Variants in ITGAX observed in about 807,000 individuals in gnomAD.
ITGAX encodes the protein integrin alpha-X.
In ITGAX, 99 loss-of-function variants were observed where a neutral mutation model predicts 140.2. The observed-to-expected ratio is 0.71, with a 90% CI of 0.60 to 0.83. The LOEUF (loss-of-function observed/expected upper bound fraction) is 0.83, where lower values mean the gene tolerates loss of function less well. ITGAX is among the 40% of genes least tolerant of loss of function. The pLI, the probability that ITGAX is intolerant of heterozygous loss-of-function variation, is 0.00. For synonymous variants in ITGAX, 631 were observed against 600.4 expected, an observed-to-expected ratio of 1.05 and a Z score of -0.75; for missense variants, 1,444 against 1,482.0, an observed-to-expected ratio of 0.97 and a Z score of 0.42.
chr16:31,357,327 C>T lies in ITGAX; in HGVS notation c.393C>T (p.Pro131=). Residue 131 remains proline (P), a synonymous_variant, in exon 5 of 30, where the codon CCC becomes CCT. Transcript: ENST00000268296. ...CCGGACTCTGCTTCCTCCTGGGCCC[C>T]ACCCAGCTCACCCAGAGGCTCCCGG... ...YLTGLCFLLG[P]TQLTQRLPVS... is the part of the protein sequence containing the mutation. 1 of 1,606,608 alleles carries T rather than the reference C, an allele frequency of 6.2e-7. No individual in the cohort carries two copies.
intron 19 of ITGAX, among the ~76,000 whole-genome samples, chr16:31,372,915 AAACAAC>A (rs58659724): frequency 8.7e-5 from 13 of 149,534 alleles, no homozygotes; most frequent in South Asian, 2.1e-4. Context: ...CACAAAAACA[AAACAAC>A]AACAACAACA....
chr16:31,372,892 G>C (rs1030260277), intron 19 of ITGAX, among the ~76,000 whole-genome samples: 7 of 148,092 alleles, frequency 4.7e-5, no homozygotes, highest in African/African-American at 1.8e-4. Context: ...GCAACAGAGC[G>C]AGATCCCATT....
intron 20 of ITGAX, among the ~76,000 whole-genome samples, chr16:31,375,268 G>A (rs568124897): frequency 6.6e-6 from 1 of 152,162 alleles, no homozygotes; most frequent in Non-Finnish European, 1.5e-5. Flanking sequence ...CACCCGATTC[G>A]GCCTCCCAAA....
At position 31,379,855 on chromosome 16, in the gene ITGAX, C is replaced by T. The variant is rs2081052074; in HGVS notation, c.2967C>T (p.Ser989=). 6.2e-7 allele frequency: 1 copy of T among 1,613,990 alleles called. No individual in the cohort carries two copies. The highest frequency in any genetic ancestry group is 1.3e-5 in the African/African-American group (1 of 75,020). ...CTGTGTGGATGGATGTGGAGGTCTC[C>T]CACCCCCAGGTACCCAAGGACTGCA... is the stretch of plus-strand genomic sequence containing the variant. ...QEAVWMDVEV[S]HPQNPSLRCS... is the part of the protein sequence containing the mutation. Residue 989 remains serine, a synonymous_variant, in exon 25 of 30, where the codon TCC becomes TCT. Coordinates refer to ENST00000268296, the MANE Select transcript of ITGAX (RefSeq NM_000887.5).
At chr16:31,380,778 C>A in intron 28 of ITGAX, 119 bp from the exon 29 acceptor site, 1 of 1,262,192 alleles carries the variant, frequency 7.9e-7, no homozygotes, top group South Asian at 1.2e-5. Flanking sequence ...GCTGCTGTGT[C>A]TCACCTCTTG....
In ITGAX at chr16:31,362,744, G is replaced by C; in HGVS notation, c.1350G>C (p.Thr450=). ...AATGGAGGATGAAGGCCGAAGTCACGGGGACTCAGGTTGGGCGTGACAGGA... is the reference window on the plus strand; with the variant it reads ...AATGGAGGATGAAGGCCGAAGTCACCGGGACTCAGGTTGGGCGTGACAGGA... ...SRQWRMKAEV[T]GTQIGSYFGA... The change falls in exon 12 of 30, where the codon ACG becomes ACC. Residue 450 remains threonine (T), a synonymous_variant. Transcript: ENST00000268296. The C allele has an allele frequency of 1.2e-6, 2 of 1,613,852 alleles. No individual in the cohort carries two copies. Among genetic ancestry groups the C allele is most frequent in the Non-Finnish European group, 1.7e-6 (2 of 1,179,844 alleles).
At chr16:31,374,287 T>TAA (rs111307476) in intron 20 of ITGAX, among the ~76,000 whole-genome samples, 26 of 148,686 alleles carry the variant, frequency 1.7e-4, no homozygotes, top group East Asian at 1.4e-3. Flanking sequence ...AGACTCTGTC[T>TAA]AAAAAAAAAA....
intron 14 of ITGAX, among the ~76,000 whole-genome samples, chr16:31,364,819 C>T (rs2080875193): frequency 6.7e-6 from 1 of 149,784 alleles, no homozygotes. Context: ...ACTAGCCTGG[C>T]CAACACAGTG....
At chr16:31,366,118 C>T (rs188769225) in intron 14 of ITGAX, among the ~76,000 whole-genome samples, 1 of 152,352 alleles carries the variant, frequency 6.6e-6, no homozygotes, top group East Asian at 1.9e-4. Flanking sequence ...ATTTTTTACA[C>T]GCTGAAGGTA....
At chr16:31,372,698 T>G (rs1228704970) in intron 19 of ITGAX, 28 bp downstream of exon 19, 3 of 1,600,052 alleles carry the variant, frequency 1.9e-6, no homozygotes, top group South Asian at 1.1e-5. Flanking sequence ...AGACCTGCCC[T>G]ACTGCCCCAG....
chr16:31,360,319 G>A lies in ITGAX; in HGVS notation c.717G>A (p.Leu239=), dbSNP rs147776564. The A allele has an allele frequency of 3.7e-6, 6 of 1,611,954 alleles. No homozygotes were observed. In the Admixed American group the frequency reaches 5.0e-5, roughly 14 times the overall value. Residue 239 remains leucine, a synonymous_variant, in exon 8 of 30, where the codon TTG becomes TTA. Coordinates refer to ENST00000268296, the MANE Select transcript of ITGAX (RefSeq NM_000887.5). ...ATAIQNVVHR[L]FHASYGARRD... is the part of the protein sequence containing the mutation. ...TCTCCTTTCCTGATAGGCACCGATT[G>A]TTCCATGCCTCATATGGGGCCCGTA... is the stretch of plus-strand genomic sequence containing the variant.
Position 31,380,641 on chromosome 16 carries a change from G to C in ITGAX, c.3276+17G>C, listed in dbSNP as rs762946837. The C allele has an allele frequency of 1.9e-5, 30 of 1,613,890 alleles. No homozygotes were observed. The highest frequency in any genetic ancestry group is 5.3e-5 in the African/African-American group (4 of 74,930). On this transcript the variant is annotated intron_variant, in intron 28 of 29. Coordinates refer to ENST00000268296, the MANE Select transcript of ITGAX (RefSeq NM_000887.5). ...AGAGCTCAGGTAGAGACCATGTGGAGGGCAGCGACCAGGCTGGAAAGAGGG... is the reference window on the plus strand; with the variant it reads ...AGAGCTCAGGTAGAGACCATGTGGACGGCAGCGACCAGGCTGGAAAGAGGG...
intron 5 of ITGAX, among the ~76,000 whole-genome samples, chr16:31,359,364 CCA>C (rs1567295425): frequency 3.5e-4 from 54 of 152,218 alleles, no homozygotes; most frequent in Admixed American, 9.8e-4. Flanking sequence ...CGGGGTTTCA[CCA>C]TGTGGGCCAG....
chr16:31,372,573 A>C (rs1258969192), intron 18 of ITGAX, 24 bp from the exon 19 acceptor site: 24 of 1,612,810 alleles, frequency 1.5e-5, no homozygotes, highest in Non-Finnish European at 1.9e-5. Flanking sequence ...CTCGGAGAAA[A>C]CCCCCCGTTG....
intron 23 of ITGAX, 93 bp from the exon 24 acceptor site, chr16:31,379,475 C>T (rs2081048125): frequency 2.4e-6 from 3 of 1,247,942 alleles, no homozygotes; most frequent in Non-Finnish European, 3.4e-6. Context: ...ATTCCAAGGC[C>T]CCACCGACCA....
chr16:31,372,331 T>C (rs768390372), intron 17 of ITGAX, 47 bp from the exon 18 acceptor site: 3 of 1,573,318 alleles, frequency 1.9e-6, no homozygotes, highest in Admixed American at 2.1e-5. Flanking sequence ...CGAGCGCAGC[T>C]CTTACCCTCC....
chr16:31,356,757 G>T lies in ITGAX; in HGVS notation c.247+29G>T, dbSNP rs765384344. ...AGTCACCGCCCCTCCCGGGACCCAG[G>T]GCCGGGCTCCCAGGCTTCCCTGCTC... is the stretch of plus-strand genomic sequence containing the variant. On this transcript the variant is annotated intron_variant, in intron 3 of 29. Transcript: ENST00000268296. 2.1e-5 allele frequency: 32 copies of T among 1,494,486 alleles called. No individual in the cohort carries two copies. In the Admixed American group the frequency reaches 3.2e-4, roughly 15 times the overall value. The allele number at this position is 1,494,486 out of a possible 1,614,324, so 92.6% of individuals were successfully genotyped here. A position where few individuals can be genotyped will look rare whatever the true frequency, so the allele number is the denominator to read the frequency against.
At chr16:31,377,387 AG>A (rs2142527556) in intron 23 of ITGAX, 122 bp downstream of exon 23, 5 of 757,776 alleles carry the variant, frequency 6.6e-6, no homozygotes, top group Middle Eastern at 3.9e-4. Context: ...CTAAAAGGTC[AG>A]GTGTTTCAGC....
rs554051423 is a variant in ITGAX at position 31,363,967 on chromosome 16, C to T, written c.1710+593C>T. On this transcript the variant is annotated intron_variant, in intron 14 of 29. Transcript: ENST00000268296. ...AGTCATTTCAACCTTCCCTTCCACT[C>T]GCCCCTCTCCTCCCTGGATGCTACA... 4.6e-5 allele frequency among the ~76,000 whole-genome samples: 7 copies of T among 152,298 alleles called. No individual in the cohort carries two copies. The South Asian group carries it at 1.0e-3, about 23-fold the overall frequency.
Sources: allele counts gnomAD v4.1 joint callset (sites outside exome capture counted in the v4.1 genomes callset), GRCh38; gene constraint gnomAD v4.1.1; transcripts MANE v1.5; gene names NCBI Gene and HGNC (gene_info 2026-07-23, HGNC 2026-07-21).